TP63: variants seen among roughly 807,000 people sequenced by gnomAD.
TP63 encodes tumor protein 63.
A neutral mutation model predicts 82.8 loss-of-function variants in TP63; 17 were observed. The observed-to-expected ratio is 0.21, with a 90% CI of 0.14 to 0.31. The LOEUF is 0.31. TP63 is among the 10% of genes least tolerant of loss of function. The pLI, the probability that TP63 is intolerant of heterozygous loss-of-function variation, is 1.00. For missense variants in TP63, 648 were observed against 895.3 expected, an observed-to-expected ratio of 0.72 and a Z score of 3.52; for synonymous variants, 330 against 321.7, an observed-to-expected ratio of 1.03 and a Z score of -0.28.
chr3:189,686,054 A>G (rs1257162968), intron 1 of TP63, among the ~76,000 whole-genome samples: 1 of 152,146 alleles, frequency 6.6e-6, no homozygotes, highest in African/African-American at 2.4e-5. Flanking sequence ...TTGTAAAATG[A>G]GGAGTTTGGC....
intron 1 of TP63, among the ~76,000 whole-genome samples, chr3:189,642,455 G>T (rs1344831845): frequency 6.6e-6 from 1 of 151,952 alleles, no homozygotes; most frequent in Non-Finnish European, 1.5e-5. Context: ...ATAGTATAAC[G>T]TTTAAGAGAC....
At chr3:189,713,297 A>G (rs925465624) in intron 1 of TP63, among the ~76,000 whole-genome samples, 3 of 152,312 alleles carry the variant, frequency 2.0e-5, no homozygotes, top group Non-Finnish European at 2.9e-5. Context: ...ACTTGTTTCA[A>G]CAGTGGGGAA....
At chr3:189,839,603 A>T (rs1203436208) in intron 4 of TP63, among the ~76,000 whole-genome samples, 1 of 152,158 alleles carries the variant, frequency 6.6e-6, no homozygotes, top group Non-Finnish European at 1.5e-5. Flanking sequence ...TCAAAGATTG[A>T]TCTCCAGAAG....
At chr3:189,607,681 TATGA>T in the TP63 span, among the ~76,000 whole-genome samples, 32 of 151,966 alleles carry the variant, frequency 2.1e-4, no homozygotes, top group East Asian at 6.2e-3. Context: ...TGTATGTCAT[TATGA>T]ATATTACATA....
intron 10 of TP63, chr3:189,880,577 C>T: frequency 1.0e-6 from 1 of 987,084 alleles, no homozygotes. Context: ...GAGCAGGTCT[C>T]AAACTTAAGA....
chr3:189,635,462 TCCTGA>T (rs1379871899), intron 1 of TP63, among the ~76,000 whole-genome samples: 1 of 152,110 alleles, frequency 6.6e-6, no homozygotes, highest in African/African-American at 2.4e-5. Context: ...AGAAGCTGCC[TCCTGA>T]TAATTGCTTT....
chr3:189,744,465 G>A (rs2108511518), intron 3 of TP63, among the ~76,000 whole-genome samples: 1 of 152,238 alleles, frequency 6.6e-6, no homozygotes, highest in South Asian at 2.1e-4. Flanking sequence ...CTACCCCTCA[G>A]TGCCCAGGAA....
At chr3:189,857,662 T>G (rs1442887550) in intron 4 of TP63, among the ~76,000 whole-genome samples, 1 of 152,028 alleles carries the variant, frequency 6.6e-6, no homozygotes, top group Non-Finnish European at 1.5e-5. Context: ...AACTGACAAA[T>G]TACCCCAAAT....
At chr3:189,873,988 T>C (rs1190543088) in intron 10 of TP63, among the ~76,000 whole-genome samples, 2 of 152,134 alleles carry the variant, frequency 1.3e-5, no homozygotes, top group Non-Finnish European at 2.9e-5. Flanking sequence ...ACAATAGAAA[T>C]GCAAATGAAC....
chr3:189,603,623 T>C, the TP63 span, among the ~76,000 whole-genome samples: 2 of 144,084 alleles, frequency 1.4e-5, no homozygotes, highest in African/African-American at 5.2e-5. Context: ...TGGAGTTTTA[T>C]TCTATCTCAG....
chr3:189,787,697 T>C (rs1437685609), intron 3 of TP63, among the ~76,000 whole-genome samples: 2 of 152,062 alleles, frequency 1.3e-5, no homozygotes, highest in African/African-American at 4.8e-5. Context: ...GCCTTAGATT[T>C]AGGTGTTCAA....
intron 1 of TP63, among the ~76,000 whole-genome samples, chr3:189,660,543 A>C (rs553830740): frequency 6.6e-6 from 1 of 152,098 alleles, no homozygotes; most frequent in African/African-American, 2.4e-5. Context: ...TTGAATTTTC[A>C]GGCTCTTTTT....
chr3:189,682,649 G>A (rs1208512994), intron 1 of TP63, among the ~76,000 whole-genome samples: 1 of 148,344 alleles, frequency 6.7e-6, no homozygotes, highest in East Asian at 2.0e-4. Context: ...AAAAACACAA[G>A]GAAATATAAC....
At chr3:189,880,380 A>G (rs1719781650) in intron 10 of TP63, 2 of 1,201,446 alleles carry the variant, frequency 1.7e-6, no homozygotes. Flanking sequence ...ACAAGAAAGG[A>G]TGTTTTCTGC....
chr3:189,886,645 G>A, intron 11 of TP63, 94 bp downstream of exon 11: 2 of 1,549,850 alleles, frequency 1.3e-6, no homozygotes, highest in South Asian at 2.3e-5. Context: ...TAAGCTAAAT[G>A]AGAGACACAG....
intron 10 of TP63, chr3:189,881,306 C>T: frequency 2.0e-6 from 2 of 985,204 alleles, no homozygotes; most frequent in Non-Finnish European, 2.4e-6. Flanking sequence ...ATCTCTGTTT[C>T]TTTCCATTTT....
intron 4 of TP63, among the ~76,000 whole-genome samples, chr3:189,839,719 C>T (rs1345751482): frequency 1.3e-5 from 2 of 152,186 alleles, no homozygotes; most frequent in African/African-American, 4.8e-5. Context: ...TGCTGTTCAT[C>T]AGGCATTTAC....
chr3:189,838,995 A>G (rs1347184964), intron 4 of TP63, among the ~76,000 whole-genome samples: 1 of 145,252 alleles, frequency 6.9e-6, no homozygotes, highest in Non-Finnish European at 1.5e-5. Context: ...CAGCATTTGC[A>G]GGTTCACTTT....
chr3:189,721,171 A>C (rs906488110), intron 1 of TP63, among the ~76,000 whole-genome samples: 2 of 152,338 alleles, frequency 1.3e-5, no homozygotes, highest in East Asian at 3.9e-4. Context: ...ATTGGTTTAC[A>C]GTGGACCGTC....
Sources: gnomAD v4.1 joint callset for allele counts (sites outside exome capture counted in the v4.1 genomes callset) on GRCh38, gnomAD v4.1.1 for gene constraint, MANE v1.5 for transcripts, NCBI Gene and HGNC (gene_info 2026-07-23, HGNC 2026-07-21) for gene names.